Variants in PRAC2 observed in about 807,000 individuals in gnomAD.
The protein encoded by PRAC2 is protein PRAC2.
For missense variants in PRAC2, 92 were observed against 114.5 expected, an observed-to-expected ratio of 0.80 and a Z score of 0.90; for synonymous variants, 43 against 49.5, an observed-to-expected ratio of 0.87 and a Z score of 0.55.
intron 1 of PRAC2, chr17:48,723,775 G>C (rs1471003614): frequency 8.1e-7 from 1 of 1,231,428 alleles, no homozygotes; most frequent in Non-Finnish European, 1.0e-6. Flanking sequence ...TCCGGAGGTA[G>C]TTTCTACGCA....
chr17:48,719,243 A>ACACG (rs1052664424), upstream of PRAC2, among the ~76,000 whole-genome samples: 1 of 151,038 alleles, frequency 6.6e-6, no homozygotes, highest in African/African-American at 2.4e-5. Flanking sequence ...ACACACACAC[A>ACACG]CGCACACGCA....
At chr17:48,722,365 C>A (rs748013660), upstream of PRAC2, 2 of 1,614,210 alleles carry the variant, frequency 1.2e-6, no homozygotes, top group South Asian at 1.1e-5. Flanking sequence ...TGGGCCGGTC[C>A]TTGATCTGAG....
chr17:48,722,340 T>C, upstream of PRAC2: 1 of 1,614,094 alleles, frequency 6.2e-7, no homozygotes, highest in South Asian at 1.1e-5. Context: ...AAAAGCACTC[T>C]TGGAGGTAGT....
At chr17:48,723,865 T>G (rs1235818552) in intron 1 of PRAC2, 1 of 969,592 alleles carries the variant, frequency 1.0e-6, no homozygotes, top group Non-Finnish European at 1.3e-6. Context: ...ATTTCGGGCC[T>G]GGAGCCCGCG....
upstream of PRAC2, among the ~76,000 whole-genome samples, chr17:48,719,311 T>A (rs976433489): frequency 4.6e-5 from 7 of 152,110 alleles, no homozygotes; most frequent in Non-Finnish European, 8.8e-5. Context: ...GCGGGTCGCC[T>A]GGAAAGACGC....
chr17:48,721,163 T>A (rs1013985249), upstream of PRAC2, among the ~76,000 whole-genome samples: 1 of 152,054 alleles, frequency 6.6e-6, no homozygotes, highest in Non-Finnish European at 1.5e-5. Context: ...TGGCTGAAGA[T>A]GTGAGCATGT....
At chr17:48,719,492 C>T (rs1440840663), upstream of PRAC2, among the ~76,000 whole-genome samples, 2 of 152,152 alleles carry the variant, frequency 1.3e-5, no homozygotes, top group Non-Finnish European at 2.9e-5. Flanking sequence ...GCGCGGCGGG[C>T]GACAGCCCCC....
In PRAC2 at chr17:48,724,699, G is replaced by A. The variant is rs2143056610; in HGVS notation, c.*16G>A. ...GGAGTGGTGAGCCTCTGTCGGAAGG[G>A]GGCGCCCACGTCTTTTTAATGGTCC... is the stretch of plus-strand genomic sequence containing the variant. On this transcript the variant is annotated 3_prime_UTR_variant, in exon 2 of 2. Transcript: ENST00000422730. 2.5e-6 allele frequency: 3 copies of A among 1,216,410 alleles called. No homozygotes were observed. Among genetic ancestry groups the A allele is most frequent in the Non-Finnish European group, 3.1e-6 (3 of 973,754 alleles). 75.4% of individuals were successfully genotyped at this position (1,216,410 alleles called of 1,614,324 possible).
At chr17:48,720,103 G>C (rs1029982199), upstream of PRAC2, among the ~76,000 whole-genome samples, 1 of 152,218 alleles carries the variant, frequency 6.6e-6, no homozygotes, top group Non-Finnish European at 1.5e-5. Flanking sequence ...CCACAGGATG[G>C]GTACGGACCC....
upstream of PRAC2, among the ~76,000 whole-genome samples, chr17:48,721,172 G>A (rs2143038742): frequency 6.6e-6 from 1 of 152,252 alleles, no homozygotes; most frequent in African/African-American, 2.4e-5. Flanking sequence ...ATGTGAGCAT[G>A]TGGTCCCCAG....
At chr17:48,722,073 C>T (rs954615551), upstream of PRAC2, among the ~76,000 whole-genome samples, 3 of 152,192 alleles carry the variant, frequency 2.0e-5, no homozygotes, top group African/African-American at 7.2e-5. Context: ...TCCTGCAGGT[C>T]CCGCGTGCTG....
upstream of PRAC2, among the ~76,000 whole-genome samples, chr17:48,719,535 AAACCGAGC>A (rs1025277711): frequency 2.6e-5 from 4 of 152,198 alleles, no homozygotes; most frequent in Admixed American, 6.5e-5. Flanking sequence ...GGCGCTTGTA[AAACCGAGC>A]GGCGACGGCC....
At chr17:48,721,019 G>A (rs2038140119), upstream of PRAC2, among the ~76,000 whole-genome samples, 2 of 152,154 alleles carry the variant, frequency 1.3e-5, no homozygotes, top group South Asian at 4.1e-4. Context: ...CTCAATTGTG[G>A]GTTTTGTCAT....
rs2038182919 is a variant in PRAC2 at position 48,724,475 on chromosome 17, C to A, written c.65C>A (p.Ser22Ter). The change falls in exon 2 of 2, where the codon TCG becomes TAG. Residue 22 changes from serine to a stop codon, truncating the protein, a stop_gained. Transcript: ENST00000422730. LOFTEE classifies it low-confidence loss of function (END_TRUNC). ...SRRPTAFFFH[S>*]RWLVPNLLAF... The stretch of plus-strand genomic sequence containing the variant: ...AGACCGACCGCCTTCTTCTTCCATT[C>A]GAGATGGCTCGTACCGAACCTCCTT... 2.4e-6 allele frequency: 3 copies of A among 1,234,174 alleles called. No homozygotes were observed. The South Asian group carries it at 1.2e-4, about 51-fold the overall frequency. The allele number at this position is 1,234,174 out of a possible 1,614,324, so 76.5% of individuals were successfully genotyped here.
chr17:48,722,265 C>T, upstream of PRAC2: 1 of 1,474,000 alleles, frequency 6.8e-7, no homozygotes, highest in Non-Finnish European at 9.5e-7. Flanking sequence ...CCTGATGCAG[C>T]TACCATACTG....
upstream of PRAC2, chr17:48,722,300 G>A: frequency 2.5e-6 from 4 of 1,604,958 alleles, no homozygotes; most frequent in Middle Eastern, 5.0e-4. Flanking sequence ...AACGCCCTTG[G>A]CCCACCGATC....
Position 48,724,432 on chromosome 17 carries a change from C to G in PRAC2, c.22C>G (p.Leu8Val). Residue 8 changes from leucine to valine, a missense_variant, in exon 2 of 2, where the codon CTG becomes GTG. By Grantham distance (32) the Leu-to-Val change is conservative. Transcript: ENST00000422730. ...AGACATGGACAGAAGGCGGATGGCT[C>G]TGCGGCCTGGCTCCCGCAGACCGAC... MDRRRMA[L>V]RPGSRRPTAF... The G allele has an allele frequency of 8.1e-7, 1 of 1,234,318 alleles. No individual in the cohort carries two copies. The highest frequency in any genetic ancestry group is 1.0e-6 in the Non-Finnish European group (1 of 988,152). The allele number at this position is 1,234,318 out of a possible 1,614,324, so 76.5% of individuals were successfully genotyped here. A position where few individuals can be genotyped will look rare whatever the true frequency, so the allele number is the denominator to read the frequency against.
chr17:48,723,596 T>A (rs1053036422), intron 1 of PRAC2: 1 of 744,410 alleles, frequency 1.3e-6, no homozygotes, highest in Non-Finnish European at 1.8e-6. Context: ...GCCCGGGAAC[T>A]ACTATTTGGA....
chr17:48,722,603 C>G, upstream of PRAC2: 1 of 559,302 alleles, frequency 1.8e-6, no homozygotes, highest in African/African-American at 1.9e-5. Flanking sequence ...TGGCTCCCCA[C>G]CTCATAGCTG....
Sources: allele counts gnomAD v4.1 joint callset (sites outside exome capture counted in the v4.1 genomes callset), GRCh38; gene constraint gnomAD v4.1.1; transcripts MANE v1.5; gene names NCBI Gene and HGNC (gene_info 2026-07-23, HGNC 2026-07-21).